Variants in USH2A observed in about 807,000 individuals in gnomAD.
The protein encoded by USH2A is usherin.
In USH2A, 443 loss-of-function variants were observed where a neutral mutation model predicts 538.9. The observed-to-expected ratio is 0.82, with a 90% CI of 0.76 to 0.89. The LOEUF is 0.89. Among genes scored for constraint, USH2A ranks in the 40% least tolerant of loss-of-function variants. The pLI, the probability that USH2A is intolerant of heterozygous loss-of-function variation, is 0.00. For missense variants in USH2A, 6,633 were observed against 6,324.8 expected (o/e 1.05, Z -1.65); for synonymous variants, 2,413 against 2,273.5 (o/e 1.06, Z -1.75).
intron 64 of USH2A, among the ~76,000 whole-genome samples, chr1:215,666,229 C>A (rs1006615189): frequency 6.6e-6 from 1 of 151,988 alleles, no homozygotes; most frequent in African/African-American, 2.4e-5. Flanking sequence ...CCGGACCTCC[C>A]AAGTAAGAAA....
rs551705760 is a variant in USH2A at position 215,924,428 on chromosome 1, T to C, written c.7300+10188A>G. 5.3e-5 allele frequency among the ~76,000 whole-genome samples: 8 copies of C among 152,246 alleles called. No homozygotes were observed. In the East Asian group the frequency reaches 5.8e-4, roughly 11 times the overall value. ...ATTTTCTCACTTTTGTGAGTATTTA[T>C]ATAGGCAGGTAAATGTTCATAGAAT... On this transcript the variant is annotated intron_variant, in intron 38 of 71. Transcript: ENST00000307340.
intron 49 of USH2A, among the ~76,000 whole-genome samples, chr1:215,803,249 T>A (rs913788563): frequency 1.3e-5 from 2 of 152,030 alleles, no homozygotes; most frequent in African/African-American, 4.8e-5. Flanking sequence ...CTCTCACCAC[T>A]CCTATTCAAC....
chr1:215,727,362 T>C (rs888979638), intron 61 of USH2A, among the ~76,000 whole-genome samples: 1 of 152,144 alleles, frequency 6.6e-6, no homozygotes, highest in Non-Finnish European at 1.5e-5. Context: ...ACCTCATCTC[T>C]ATGAGGTATG....
chr1:215,704,137 C>A (rs1659113712), intron 61 of USH2A, among the ~76,000 whole-genome samples: 2 of 152,198 alleles, frequency 1.3e-5, no homozygotes, highest in African/African-American at 2.4e-5. Flanking sequence ...CTTCCATGGG[C>A]TGCACCCACT....
chr1:216,028,899 C>A (rs948897296), intron 32 of USH2A, among the ~76,000 whole-genome samples: 1 of 151,858 alleles, frequency 6.6e-6, no homozygotes, highest in Admixed American at 6.6e-5. Flanking sequence ...ACAGTCTGGT[C>A]CCAATTATAT....
chr1:215,810,640 C>A (rs1267664614), intron 49 of USH2A, among the ~76,000 whole-genome samples: 2 of 152,110 alleles, frequency 1.3e-5, no homozygotes, highest in Non-Finnish European at 2.9e-5. Context: ...TCCATCTGAT[C>A]ACTGTAATTA....
chr1:216,291,390 G>A (rs2036998537), intron 10 of USH2A, among the ~76,000 whole-genome samples: 2 of 152,092 alleles, frequency 1.3e-5, no homozygotes, highest in Non-Finnish European at 2.9e-5. Context: ...GCAATCATCA[G>A]ACAACTTTGT....
chr1:216,307,513 G>T (rs1292977462), intron 9 of USH2A, among the ~76,000 whole-genome samples: 1 of 152,142 alleles, frequency 6.6e-6, no homozygotes, highest in Non-Finnish European at 1.5e-5. Context: ...AAGCAAGCAG[G>T]GGTTTCAGGT....
At chr1:215,761,176 C>T (rs1660970896) in intron 56 of USH2A, among the ~76,000 whole-genome samples, 1 of 152,140 alleles carries the variant, frequency 6.6e-6, no homozygotes, top group Non-Finnish European at 1.5e-5. Flanking sequence ...TGTTCCCTTA[C>T]AGCATGACAT....
chr1:216,269,298 A>G (rs1484603271), intron 11 of USH2A, among the ~76,000 whole-genome samples: 1 of 152,052 alleles, frequency 6.6e-6, no homozygotes, highest in South Asian at 2.1e-4. Context: ...TTTTAAAAAC[A>G]AGAGTTCCCC....
intron 21 of USH2A, among the ~76,000 whole-genome samples, chr1:216,115,751 A>T (rs2032993121): frequency 6.6e-6 from 1 of 151,782 alleles, no homozygotes; most frequent in Non-Finnish European, 1.5e-5. Context: ...TATACCCCAC[A>T]TTGAATTCAT....
At chr1:215,988,702 C>T (rs1220700562) in intron 35 of USH2A, among the ~76,000 whole-genome samples, 1 of 152,078 alleles carries the variant, frequency 6.6e-6, no homozygotes, top group African/African-American at 2.4e-5. Context: ...TAATGGTAAT[C>T]AACAATTTTT....
At chr1:215,869,892 T>C (rs1309814964) in intron 43 of USH2A, among the ~76,000 whole-genome samples, 5 of 152,234 alleles carry the variant, frequency 3.3e-5, no homozygotes, top group Non-Finnish European at 7.3e-5. Context: ...AATTTAGTTA[T>C]GGCGAAATAC....
chr1:215,639,115 A>T, intron 69 of USH2A, 40 bp downstream of exon 69: 1 of 1,583,662 alleles, frequency 6.3e-7, no homozygotes, highest in Non-Finnish European at 8.7e-7. Flanking sequence ...CTTGAGGAAG[A>T]TGAATAGGTG....
chr1:216,375,715 G>C (rs965109084), intron 3 of USH2A, among the ~76,000 whole-genome samples: 1 of 152,064 alleles, frequency 6.6e-6, no homozygotes, highest in African/African-American at 2.4e-5. Flanking sequence ...GCTGTTTGGT[G>C]CAAGAGGACT....
chr1:215,854,793 T>G (rs139425356), intron 44 of USH2A, among the ~76,000 whole-genome samples: 2 of 152,172 alleles, frequency 1.3e-5, no homozygotes, highest in African/African-American at 4.8e-5. Context: ...GTTATGCAGA[T>G]GGGTTCTCTA....
chr1:215,675,657 C>G, intron 62 of USH2A, 41 bp from the exon 63 acceptor site: 3 of 1,613,768 alleles, frequency 1.9e-6, no homozygotes, highest in East Asian at 2.2e-5. Flanking sequence ...TTGCAGCATA[C>G]AATTTCTTTG....
intron 44 of USH2A, among the ~76,000 whole-genome samples, chr1:215,854,675 T>C (rs969974073): frequency 4.6e-5 from 7 of 152,208 alleles, no homozygotes; most frequent in Non-Finnish European, 8.8e-5. Context: ...CTTTATAGAC[T>C]GGCTTGAGGA....
At chr1:216,391,226 G>A (rs1018982123) in intron 3 of USH2A, among the ~76,000 whole-genome samples, 2 of 152,156 alleles carry the variant, frequency 1.3e-5, no homozygotes, top group African/African-American at 4.8e-5. Context: ...AGAAGTTGCA[G>A]CTCATCCAGT....
Sources: gnomAD v4.1 joint callset for allele counts (sites outside exome capture counted in the v4.1 genomes callset) on GRCh38, gnomAD v4.1.1 for gene constraint, MANE v1.5 for transcripts, NCBI Gene and HGNC (gene_info 2026-07-23, HGNC 2026-07-21) for gene names.